Variants in CNTN4 observed in about 807,000 individuals in gnomAD.
CNTN4 encodes contactin-4.
CNTN4 carries 77 observed loss-of-function variants against 122.5 expected under a neutral mutation model. The ratio of observed to expected loss-of-function variants is 0.63; its 90% CI spans 0.52 to 0.76. The LOEUF is 0.76. CNTN4 is among the 30% of genes least tolerant of loss of function. The pLI, the probability that CNTN4 is intolerant of heterozygous loss-of-function variation, is 0.00. For missense variants in CNTN4, 1,256 were observed against 1,259.1 expected (o/e 1.00, Z 0.04); for synonymous variants, 512 against 447.0 (o/e 1.15, Z -1.83).
chr3:2,106,601 C>T (rs1390001875), intron 2 of CNTN4, among the ~76,000 whole-genome samples: 2 of 152,222 alleles, frequency 1.3e-5, no homozygotes, highest in Non-Finnish European at 1.5e-5. Flanking sequence ...CTAGGCTGTA[C>T]ACAGCAGGGA....
intron 3 of CNTN4, among the ~76,000 whole-genome samples, chr3:2,450,366 C>CT (rs2048781960): frequency 9.3e-6 from 1 of 107,986 alleles, no homozygotes; most frequent in Non-Finnish European, 2.2e-5. Flanking sequence ...GACTCTGTCT[C>CT]AAAATAAATA....
chr3:2,149,799 A>G (rs145159629), intron 2 of CNTN4, among the ~76,000 whole-genome samples: 1 of 152,238 alleles, frequency 6.6e-6, no homozygotes, highest in Admixed American at 6.5e-5. Context: ...AGGTTGTGCA[A>G]CTACAGGTTG....
intron 6 of CNTN4, among the ~76,000 whole-genome samples, chr3:2,796,564 C>G (rs542210084): frequency 1.3e-5 from 2 of 152,176 alleles, no homozygotes; most frequent in South Asian, 4.2e-4. Context: ...AATATACTCC[C>G]AAGTTTTCTC....
At chr3:2,604,511 G>T (rs910833823) in intron 4 of CNTN4, among the ~76,000 whole-genome samples, 1 of 152,082 alleles carries the variant, frequency 6.6e-6, no homozygotes, top group Admixed American at 6.6e-5. Flanking sequence ...ATTTCAGTTG[G>T]TAAAAAGTGC....
chr3:2,508,034 A>G (rs1159297237), intron 3 of CNTN4, among the ~76,000 whole-genome samples: 1 of 152,074 alleles, frequency 6.6e-6, no homozygotes, highest in African/African-American at 2.4e-5. Context: ...TAAATGGGCT[A>G]TTTTCTCCAC....
At chr3:2,534,168 G>A (rs1268198764) in intron 3 of CNTN4, among the ~76,000 whole-genome samples, 2 of 152,254 alleles carry the variant, frequency 1.3e-5, no homozygotes, top group Non-Finnish European at 2.9e-5. Context: ...TTTTAAACAT[G>A]AAGTCCTTGC....
chr3:2,930,612 C>T (rs2094511633), intron 13 of CNTN4, among the ~76,000 whole-genome samples: 1 of 152,152 alleles, frequency 6.6e-6, no homozygotes, highest in Non-Finnish European at 1.5e-5. Context: ...TTATGTCAAG[C>T]AAATGGATAA....
intron 2 of CNTN4, among the ~76,000 whole-genome samples, chr3:2,248,781 T>C (rs2040252822): frequency 6.6e-6 from 1 of 152,100 alleles, no homozygotes; most frequent in African/African-American, 2.4e-5. Flanking sequence ...AGAACAAACA[T>C]GCATTCTCCT....
At chr3:2,388,611 G>A (rs570124346) in intron 3 of CNTN4, among the ~76,000 whole-genome samples, 11 of 152,302 alleles carry the variant, frequency 7.2e-5, no homozygotes, top group Non-Finnish European at 8.8e-5. Flanking sequence ...TTGGGAGGCC[G>A]AGGCAGGCAG....
intron 4 of CNTN4, among the ~76,000 whole-genome samples, chr3:2,625,992 T>G (rs577207470): frequency 3.2e-4 from 48 of 152,328 alleles, no homozygotes; most frequent in African/African-American, 1.1e-3. Context: ...TTTGACAATT[T>G]GTTGAGTTTG....
chr3:2,520,377 A>G (rs1384700334), intron 3 of CNTN4, among the ~76,000 whole-genome samples: 1 of 141,872 alleles, frequency 7.0e-6, no homozygotes, highest in Non-Finnish European at 1.5e-5. Flanking sequence ...GGCTCAAGTG[A>G]TTCTTGTGCC....
chr3:2,195,438 A>G (rs2037789167), intron 2 of CNTN4, among the ~76,000 whole-genome samples: 1 of 152,218 alleles, frequency 6.6e-6, no homozygotes, highest in South Asian at 2.1e-4. Context: ...ATATATAACC[A>G]GCGGTGGTAT....
chr3:2,336,697 C>G (rs901677338), intron 2 of CNTN4, among the ~76,000 whole-genome samples: 1 of 152,076 alleles, frequency 6.6e-6, no homozygotes, highest in Non-Finnish European at 1.5e-5. Context: ...ATAGCTAAAA[C>G]CTAACCTCAT....
rs114125667 is a variant in CNTN4 at position 2,835,804 on chromosome 3, G to T, written c.454+16223G>T. 4.9e-3 allele frequency among the ~76,000 whole-genome samples: 741 copies of T among 152,080 alleles called. 7 individuals carry two copies. Among genetic ancestry groups the T allele is most frequent in the African/African-American group, 0.017 (696 of 41,508 alleles). On this transcript the variant is annotated intron_variant, in intron 7 of 24. Coordinates refer to ENST00000418658, the MANE Select transcript of CNTN4 (RefSeq NM_175607.3). Reference sequence around the variant, plus strand: ...AATAACCTTAAATTTGTTGTATAAGGAATCCTGGAAATCAAAATCAGTACC... The same window carrying T: ...AATAACCTTAAATTTGTTGTATAAGTAATCCTGGAAATCAAAATCAGTACC...
Position 3,043,648 on chromosome 3 carries a change from C to T in CNTN4, c.2755C>T (p.Leu919=). The T allele has an allele frequency of 6.2e-7, 1 of 1,614,030 alleles. No homozygotes were observed. Among genetic ancestry groups the T allele is most frequent in the South Asian group, 1.1e-5 (1 of 91,084 alleles). The change falls in exon 23 of 25, where the codon CTG becomes TTG. Residue 919 remains leucine, a synonymous_variant. Coordinates refer to ENST00000418658, the MANE Select transcript of CNTN4 (RefSeq NM_175607.3). The part of the protein sequence containing the change: ...IWNSSDSKII[L]NWDQVKALDN... ...GAATTCATCAGACTCCAAAATTATCCTGAATTGGGATCAAGTGAAGGCCCT... is the reference window on the plus strand; with the variant it reads ...GAATTCATCAGACTCCAAAATTATCTTGAATTGGGATCAAGTGAAGGCCCT...
chr3:2,191,457 T>G (rs2037540391), intron 2 of CNTN4, among the ~76,000 whole-genome samples: 2 of 152,212 alleles, frequency 1.3e-5, no homozygotes, highest in South Asian at 4.1e-4. Context: ...TTAGTAATTG[T>G]CCTCTATGTC....
At chr3:2,815,373 G>A (rs971862543) in intron 6 of CNTN4, among the ~76,000 whole-genome samples, 1 of 151,934 alleles carries the variant, frequency 6.6e-6, no homozygotes, top group Non-Finnish European at 1.5e-5. Context: ...ACTCTACAAC[G>A]AACTCAAACA....
At chr3:2,116,374 C>G (rs1283163760) in intron 2 of CNTN4, among the ~76,000 whole-genome samples, 1 of 152,090 alleles carries the variant, frequency 6.6e-6, no homozygotes, top group African/African-American at 2.4e-5. Flanking sequence ...GTTTATGGGA[C>G]TAAATATAAA....
At chr3:2,574,340 G>T (rs969554195) in intron 4 of CNTN4, among the ~76,000 whole-genome samples, 3 of 152,110 alleles carry the variant, frequency 2.0e-5, no homozygotes, top group African/African-American at 7.2e-5. Context: ...TAAGGGATAT[G>T]TTTACAGCTG....
Sources: allele counts gnomAD v4.1 joint callset (sites outside exome capture counted in the v4.1 genomes callset), GRCh38; gene constraint gnomAD v4.1.1; transcripts MANE v1.5; gene names NCBI Gene and HGNC (gene_info 2026-07-23, HGNC 2026-07-21).